CLSTN2: variants seen among roughly 807,000 people sequenced by gnomAD.
CLSTN2 encodes the protein calsyntenin 2, also known as calsyntenin-2.
Under a neutral mutation model 101.2 loss-of-function variants are expected in CLSTN2, and 48 were observed. That is an observed-to-expected ratio of 0.47 (90% CI 0.38 to 0.60). The LOEUF (loss-of-function observed/expected upper bound fraction) is 0.60. CLSTN2 is among the 20% of genes least tolerant of loss of function. The pLI is 0.00. For missense variants in CLSTN2, 1,160 were observed against 1,238.2 expected, an observed-to-expected ratio of 0.94 and a Z score of 0.95; for synonymous variants, 481 against 463.6, an observed-to-expected ratio of 1.04 and a Z score of -0.48.
intron 10 of CLSTN2, among the ~76,000 whole-genome samples, chr3:140,549,650 C>T (rs1286675147): frequency 2.7e-5 from 4 of 149,084 alleles, no homozygotes; most frequent in Non-Finnish European, 5.9e-5. Flanking sequence ...CTCTTTCTTC[C>T]ATATCAGCAA....
intron 8 of CLSTN2, among the ~76,000 whole-genome samples, chr3:140,519,349 G>A (rs916016496): frequency 1.3e-5 from 2 of 152,214 alleles, no homozygotes; most frequent in African/African-American, 4.8e-5. Context: ...ACTTAATCCA[G>A]AGTGGGGTTC....
chr3:139,938,310 C>G (rs896802782), intron 1 of CLSTN2, among the ~76,000 whole-genome samples: 15 of 152,208 alleles, frequency 9.9e-5, no homozygotes, highest in Middle Eastern at 3.4e-3. Context: ...GCATGTGCTC[C>G]CAGCTTCAGT....
chr3:140,426,500 A>G (rs1156499879), intron 5 of CLSTN2, among the ~76,000 whole-genome samples: 1 of 152,234 alleles, frequency 6.6e-6, no homozygotes, highest in Non-Finnish European at 1.5e-5. Context: ...GTGTATATAT[A>G]TGAACTACAT....
At chr3:140,181,880 C>G (rs542392915) in intron 2 of CLSTN2, among the ~76,000 whole-genome samples, 1 of 152,360 alleles carries the variant, frequency 6.6e-6, no homozygotes, top group South Asian at 2.1e-4. Flanking sequence ...GTTCCATACT[C>G]TCAGACTCCA....
chr3:140,544,354 C>G (rs929799140), intron 9 of CLSTN2, among the ~76,000 whole-genome samples: 8 of 152,146 alleles, frequency 5.3e-5, no homozygotes, highest in Non-Finnish European at 1.2e-4. Flanking sequence ...CACAGAGTGA[C>G]AAGAGTAAGC....
intron 7 of CLSTN2, among the ~76,000 whole-genome samples, chr3:140,466,125 A>T (rs995900485): frequency 3.3e-5 from 5 of 152,286 alleles, no homozygotes; most frequent in Non-Finnish European, 7.3e-5. Context: ...CTTCATATAG[A>T]TTAGGTAGAC....
In CLSTN2 at chr3:140,343,193, T is replaced by C. The variant is rs539550196; in HGVS notation, c.233-60436T>C. Among the ~76,000 whole-genome samples, 25 of 152,268 alleles carry C rather than the reference T, an allele frequency of 1.6e-4. No individual in the cohort carries two copies. In the South Asian group the frequency reaches 2.7e-3, roughly 16 times the overall value. On this transcript the variant is annotated intron_variant, in intron 2 of 16. Transcript: ENST00000458420. ...TCCCAGGCTCACTGCTCTCCTTTCA[T>C]TCACCACAGAGGCTGCTCCAGAGTG...
intron 1 of CLSTN2, among the ~76,000 whole-genome samples, chr3:139,937,943 C>G (rs1339433461): frequency 1.3e-5 from 2 of 151,886 alleles, no homozygotes; most frequent in African/African-American, 4.8e-5. Context: ...TTGATTACAA[C>G]AGAGACATTT....
At chr3:139,981,017 G>A (rs1421571459) in intron 1 of CLSTN2, among the ~76,000 whole-genome samples, 1 of 151,998 alleles carries the variant, frequency 6.6e-6, no homozygotes, top group Non-Finnish European at 1.5e-5. Context: ...TGTGGGGAGG[G>A]GCAGAGAATT....
At chr3:140,279,360 G>A (rs1407328755) in intron 2 of CLSTN2, among the ~76,000 whole-genome samples, 1 of 152,190 alleles carries the variant, frequency 6.6e-6, no homozygotes, top group East Asian at 1.9e-4. Context: ...ATCCTTCTAG[G>A]GATGTGGTTC....
chr3:140,032,101 C>T (rs936619997), intron 1 of CLSTN2, among the ~76,000 whole-genome samples: 7 of 152,134 alleles, frequency 4.6e-5, no homozygotes, highest in East Asian at 1.9e-4. Context: ...CAAAGGAAAG[C>T]GCTGCCCATG....
intron 6 of CLSTN2, among the ~76,000 whole-genome samples, chr3:140,458,568 G>A (rs958168223): frequency 5.9e-5 from 9 of 152,170 alleles, no homozygotes; most frequent in South Asian, 2.1e-4. Context: ...GACAGTTGTC[G>A]CCTCTCACCT....
chr3:140,100,122 A>C (rs2008939859), intron 1 of CLSTN2, among the ~76,000 whole-genome samples: 1 of 149,434 alleles, frequency 6.7e-6, no homozygotes, highest in African/African-American at 2.5e-5. Flanking sequence ...AAAATCCAAC[A>C]TTATCCTCTG....
intron 8 of CLSTN2, among the ~76,000 whole-genome samples, chr3:140,497,732 A>G (rs1263992921): frequency 2.0e-5 from 3 of 152,162 alleles, no homozygotes; most frequent in Non-Finnish European, 4.4e-5. Context: ...CAGAGTCTAT[A>G]AAACTCCTGT....
intron 1 of CLSTN2, among the ~76,000 whole-genome samples, chr3:140,013,503 T>C (rs1307247256): frequency 6.6e-6 from 1 of 152,196 alleles, no homozygotes; most frequent in Non-Finnish European, 1.5e-5. Flanking sequence ...GTGGGTGATA[T>C]GGAAATAAGG....
chr3:140,153,562 C>T (rs557802145), intron 1 of CLSTN2, among the ~76,000 whole-genome samples: 49 of 152,316 alleles, frequency 3.2e-4, no homozygotes, highest in East Asian at 5.8e-4. Context: ...CAGTGGGGGA[C>T]GGGGTGGTGA....
chr3:140,521,102 G>A (rs145167944), intron 8 of CLSTN2, among the ~76,000 whole-genome samples: 4 of 125,820 alleles, frequency 3.2e-5, no homozygotes, highest in African/African-American at 1.2e-4. Context: ...GCTCAGCAAA[G>A]TTCATTATTA....
intron 1 of CLSTN2, among the ~76,000 whole-genome samples, chr3:140,072,926 G>A (rs761649470): frequency 9.9e-5 from 15 of 152,128 alleles, no homozygotes; most frequent in East Asian, 1.9e-4. Flanking sequence ...TTTGAGTTCC[G>A]CTTCTTGCTT....
intron 8 of CLSTN2, among the ~76,000 whole-genome samples, chr3:140,529,694 G>T (rs1935214888): frequency 6.6e-6 from 1 of 152,132 alleles, no homozygotes; most frequent in Non-Finnish European, 1.5e-5. Flanking sequence ...AACTCTGCAG[G>T]CATAAGCTTT....
Sources: gnomAD v4.1 joint callset for allele counts (sites outside exome capture counted in the v4.1 genomes callset) on GRCh38, gnomAD v4.1.1 for gene constraint, MANE v1.5 for transcripts, NCBI Gene and HGNC (gene_info 2026-07-23, HGNC 2026-07-21) for gene names.